Variants in CLVS1 observed in about 807,000 individuals in gnomAD.
The protein encoded by CLVS1 is clavesin-1.
Under a neutral mutation model 33.1 loss-of-function variants are expected in CLVS1, and 10 were observed. The ratio of observed to expected loss-of-function variants is 0.30; its 90% CI spans 0.19 to 0.51. CLVS1 has a LOEUF of 0.51. CLVS1 is among the 20% of genes least tolerant of loss of function. CLVS1 has a pLI of 0.97. For missense variants in CLVS1, 343 were observed against 433.4 expected, an observed-to-expected ratio of 0.79 and a Z score of 1.85; for synonymous variants, 163 against 166.1, an observed-to-expected ratio of 0.98 and a Z score of 0.14.
chr8:61,321,154 G>A (rs952250416), intron 2 of CLVS1, among the ~76,000 whole-genome samples: 1 of 152,128 alleles, frequency 6.6e-6, no homozygotes, highest in Non-Finnish European at 1.5e-5. Context: ...TTGTCCCAGT[G>A]TAGATTTTTC....
chr8:61,234,052 C>T (rs909816764), intron 2 of CLVS1, among the ~76,000 whole-genome samples: 10 of 152,152 alleles, frequency 6.6e-5, no homozygotes, highest in African/African-American at 2.2e-4. Flanking sequence ...TTTCCCTGCC[C>T]TACTTGGGAA....
chr8:61,199,416 T>A (rs1314903618), intron 2 of CLVS1, among the ~76,000 whole-genome samples: 2 of 151,720 alleles, frequency 1.3e-5, no homozygotes, highest in African/African-American at 2.4e-5. Context: ...AGAAAAAAAA[T>A]ACAAATAATT....
At chr8:61,347,702 G>A in intron 2 of CLVS1, among the ~76,000 whole-genome samples, 1 of 114,546 alleles carries the variant, frequency 8.7e-6, no homozygotes, top group Non-Finnish European at 1.7e-5. Flanking sequence ...ATACATTGTG[G>A]AATAGCCAAA....
intron 3 of CLVS1, among the ~76,000 whole-genome samples, chr8:61,394,621 C>T (rs1373204669): frequency 3.3e-5 from 5 of 152,122 alleles, no homozygotes; most frequent in South Asian, 2.1e-4. Flanking sequence ...GGAAAGCCAG[C>T]GGTGACAGGC....
At chr8:61,166,441 C>T (rs549554952) in intron 2 of CLVS1, among the ~76,000 whole-genome samples, 34 of 152,038 alleles carry the variant, frequency 2.2e-4, no homozygotes, top group Non-Finnish European at 4.4e-4. Context: ...ACCTGAAAGC[C>T]GTTATTTATT....
At chr8:61,151,235 G>A (rs1806528353) in intron 2 of CLVS1, among the ~76,000 whole-genome samples, 1 of 152,144 alleles carries the variant, frequency 6.6e-6, no homozygotes, top group Non-Finnish European at 1.5e-5. Context: ...TGAAGTCAAG[G>A]GGGCTCTTCA....
At chr8:61,385,816 G>C (rs965083064) in intron 3 of CLVS1, among the ~76,000 whole-genome samples, 2 of 152,196 alleles carry the variant, frequency 1.3e-5, no homozygotes, top group Non-Finnish European at 2.9e-5. Context: ...TGAGGGGATT[G>C]AGGGGTGCTC....
intron 2 of CLVS1, among the ~76,000 whole-genome samples, chr8:61,372,236 ATT>A (rs1177865675): frequency 6.6e-6 from 1 of 152,188 alleles, no homozygotes; most frequent in Non-Finnish European, 1.5e-5. Flanking sequence ...AATGTAAATG[ATT>A]TGGTAGAATG....
the CLVS1 span, among the ~76,000 whole-genome samples, chr8:61,018,083 A>G: frequency 6.6e-6 from 1 of 152,188 alleles, no homozygotes; most frequent in Non-Finnish European, 1.5e-5. Context: ...AGTCAGGCAG[A>G]GTGTGGGAGC....
the CLVS1 span, among the ~76,000 whole-genome samples, chr8:60,972,072 G>C: frequency 5.9e-5 from 9 of 151,868 alleles, no homozygotes; most frequent in African/African-American, 1.9e-4. Flanking sequence ...TTCTATGCTG[G>C]CTTTGTCATT....
chr8:61,047,843 A>T, the CLVS1 span, among the ~76,000 whole-genome samples: 1 of 152,168 alleles, frequency 6.6e-6, no homozygotes, highest in Non-Finnish European at 1.5e-5. Flanking sequence ...CCTAATGCTA[A>T]ATGACGAGTT....
intron 3 of CLVS1, among the ~76,000 whole-genome samples, chr8:61,441,189 G>T (rs1017584127): frequency 6.6e-6 from 1 of 152,188 alleles, no homozygotes; most frequent in Admixed American, 6.5e-5. Flanking sequence ...GGTAGGGCAT[G>T]CATGAACTGA....
rs7835304 is a variant in CLVS1, at chr8:61,107,081, A to G, written c.-242-24689A>G. Among the ~76,000 whole-genome samples the G allele has an allele frequency of 3.1e-3, 469 of 152,344 alleles. 6 individuals are homozygous for G. Among genetic ancestry groups the G allele is most frequent in the African/African-American group, 0.011 (447 of 41,588 alleles). On this transcript the variant is annotated intron_variant, in intron 1 of 2. Transcript: ENST00000522621. ...CCCATAAATGATCCTGATGGATTTTAGACACTTCCATTCATTTTATGTCCT... is the reference window on the plus strand; with the variant it reads ...CCCATAAATGATCCTGATGGATTTTGGACACTTCCATTCATTTTATGTCCT...
At chr8:61,018,114 C>T in the CLVS1 span, among the ~76,000 whole-genome samples, 14 of 152,260 alleles carry the variant, frequency 9.2e-5, no homozygotes, top group Non-Finnish European at 1.8e-4. Context: ...AATCTCACAT[C>T]ATTGGCAAGA....
intron 1 of CLVS1, among the ~76,000 whole-genome samples, chr8:61,093,051 G>A (rs1012204502): frequency 1.3e-5 from 2 of 152,078 alleles, no homozygotes; most frequent in African/African-American, 2.4e-5. Context: ...TAAACTCCTG[G>A]TTCTAAAACA....
chr8:61,158,945 G>A (rs1328976620), intron 2 of CLVS1, among the ~76,000 whole-genome samples: 2 of 152,202 alleles, frequency 1.3e-5, no homozygotes, highest in African/African-American at 4.8e-5. Context: ...TCCCACTTCA[G>A]CCTCCAGAGT....
intron 2 of CLVS1, among the ~76,000 whole-genome samples, chr8:61,174,700 A>T (rs567096036): frequency 6.6e-6 from 1 of 152,218 alleles, no homozygotes; most frequent in Non-Finnish European, 1.5e-5. Context: ...TTCCTCAATG[A>T]TTAAGGGTTC....
At chr8:60,999,387 G>T in the CLVS1 span, among the ~76,000 whole-genome samples, 17 of 152,216 alleles carry the variant, frequency 1.1e-4, no homozygotes, top group African/African-American at 4.1e-4. Context: ...AAGTGAAACA[G>T]TGGGGTATGG....
At chr8:61,498,993 T>C (rs1586067148) in intron 5 of CLVS1, among the ~76,000 whole-genome samples, 2 of 152,184 alleles carry the variant, frequency 1.3e-5, no homozygotes, top group African/African-American at 4.8e-5. Flanking sequence ...AATATTTAGA[T>C]GCTGGGGCAG....
Sources: allele counts gnomAD v4.1 joint callset (sites outside exome capture counted in the v4.1 genomes callset), GRCh38; gene constraint gnomAD v4.1.1; transcripts MANE v1.5; gene names NCBI Gene and HGNC (gene_info 2026-07-23, HGNC 2026-07-21).